Variants in FAM78B observed in about 807,000 individuals in gnomAD.
The protein encoded by FAM78B is protein FAM78B.
FAM78B carries 10 observed loss-of-function variants against 20.0 expected under a neutral mutation model. The observed-to-expected ratio is 0.50, with a 90% CI of 0.31 to 0.85. The LOEUF (loss-of-function observed/expected upper bound fraction) is 0.85. Ranked by LOEUF, FAM78B falls within the 40% of genes least tolerant of loss-of-function variation. The probability of loss-of-function intolerance (pLI) is 0.05; values close to 1 mark genes in which losing one functional copy is unlikely to be tolerated. For synonymous variants in FAM78B, 135 were observed against 132.8 expected (o/e 1.02, Z -0.12); for missense variants, 283 against 345.0 (o/e 0.82, Z 1.42).
intron 1 of FAM78B, among the ~76,000 whole-genome samples, chr1:166,106,107 C>T (rs955607972): frequency 5.3e-5 from 8 of 150,056 alleles, no homozygotes; most frequent in Non-Finnish European, 7.4e-5. Flanking sequence ...ATCACAAGGA[C>T]GAAAAACCAA....
intron 1 of FAM78B, among the ~76,000 whole-genome samples, chr1:166,102,203 A>G (rs1020726769): frequency 2.6e-5 from 4 of 152,218 alleles, no homozygotes; most frequent in Non-Finnish European, 5.9e-5. Flanking sequence ...AGAGCTCCTG[A>G]AGGAAGCACT....
At chr1:166,099,117 C>T (rs922453881) in intron 1 of FAM78B, among the ~76,000 whole-genome samples, 1 of 152,164 alleles carries the variant, frequency 6.6e-6, no homozygotes, top group African/African-American at 2.4e-5. Flanking sequence ...AAACAATTAT[C>T]AGCCAAGAAT....
In FAM78B at chr1:166,069,999, T is replaced by C. The variant is rs1428753901; in HGVS notation, c.*242A>G. The stretch of plus-strand genomic sequence containing the variant: ...CAGCTCCAAAATATGGCTACTTGCA[T>C]GGTAATCACAGCAAGTCTGTCAAAT... On this transcript the variant is annotated 3_prime_UTR_variant, in exon 2 of 2. Coordinates refer to ENST00000354422, the MANE Select transcript of FAM78B (RefSeq NM_001017961.5). 8.2e-7 allele frequency: 1 copy of C among 1,216,846 alleles called. No individual in the cohort carries two copies. The highest frequency in any genetic ancestry group is 3.3e-5 in the East Asian group (1 of 29,912). The allele number at this position is 1,216,846 out of a possible 1,614,324, so 75.4% of individuals were successfully genotyped here.
intron 1 of FAM78B, among the ~76,000 whole-genome samples, chr1:166,073,508 C>T (rs985624205): frequency 6.6e-6 from 1 of 150,690 alleles, no homozygotes; most frequent in African/African-American, 2.5e-5. Flanking sequence ...CTCTCTCTAT[C>T]TCTCGCTCCC....
chr1:166,142,912 A>G (rs1020892668), intron 1 of FAM78B, among the ~76,000 whole-genome samples: 1 of 152,202 alleles, frequency 6.6e-6, no homozygotes, highest in African/African-American at 2.4e-5. Context: ...ATGGTTTCTT[A>G]GTTCAGGGAG....
intron 1 of FAM78B, among the ~76,000 whole-genome samples, chr1:166,099,385 A>G (rs1490471911): frequency 6.6e-6 from 1 of 152,228 alleles, no homozygotes; most frequent in African/African-American, 2.4e-5. Context: ...CACAGGCAAC[A>G]AAGAGCATGA....
chr1:166,080,580 A>C (rs1034561821), intron 1 of FAM78B, among the ~76,000 whole-genome samples: 1 of 152,192 alleles, frequency 6.6e-6, no homozygotes, highest in Non-Finnish European at 1.5e-5. Context: ...TACTGCACTT[A>C]GAGGGTGGGA....
chr1:166,104,897 G>A (rs12096037), intron 1 of FAM78B, among the ~76,000 whole-genome samples: 29,667 of 152,090 alleles, frequency 0.2, 3,290 homozygotes, highest in East Asian at 0.38. Flanking sequence ...GCATTGCCAA[G>A]TCAATCCTAA....
chr1:166,080,659 G>A (rs1652530091), intron 1 of FAM78B, among the ~76,000 whole-genome samples: 5 of 152,208 alleles, frequency 3.3e-5, no homozygotes, highest in Admixed American at 3.3e-4. Flanking sequence ...TGGGTATGTG[G>A]CAAGTTTAGT....
intron 1 of FAM78B, among the ~76,000 whole-genome samples, chr1:166,153,505 G>C (rs528976250): frequency 1.1e-3 from 168 of 152,334 alleles, no homozygotes; most frequent in Non-Finnish European, 1.9e-3. Context: ...GGAGCCCTGT[G>C]AGTTATAGGA....
chr1:166,120,860 A>G (rs1654441647), intron 1 of FAM78B, among the ~76,000 whole-genome samples: 1 of 152,242 alleles, frequency 6.6e-6, no homozygotes, highest in South Asian at 2.1e-4. Context: ...CATATCCGCC[A>G]ACACCATTTG....
Position 166,070,092 on chromosome 1 carries a change from C to T in FAM78B, c.*149G>A. On this transcript the variant is annotated 3_prime_UTR_variant, in exon 2 of 2. Coordinates refer to ENST00000354422, the MANE Select transcript of FAM78B (RefSeq NM_001017961.5). The stretch of plus-strand genomic sequence containing the variant: ...GATTATGGTTCTACCACCCAAGGAG[C>T]AGCCCTACTCTTCAAAAGTGGCTGC... 1.5e-6 allele frequency: 2 copies of T among 1,344,874 alleles called. No homozygotes were observed. The highest frequency in any genetic ancestry group is 3.1e-5 in the Admixed American group (1 of 32,546). 83.3% of individuals were successfully genotyped at this position (1,344,874 alleles called of 1,614,324 possible). A position where few individuals can be genotyped will look rare whatever the true frequency, so the allele number is the denominator to read the frequency against.
chr1:166,078,959 T>G (rs1652453651), intron 1 of FAM78B, among the ~76,000 whole-genome samples: 2 of 143,112 alleles, frequency 1.4e-5, no homozygotes, highest in Middle Eastern at 3.7e-3. Context: ...AGAGATGGGG[T>G]CTCACTCTGT....
Position 166,070,586 on chromosome 1 carries a change from T to G in FAM78B, c.441A>C (p.Thr147=). The change falls in exon 2 of 2, where the codon ACA becomes ACC. Residue 147 remains threonine, a synonymous_variant. Transcript: ENST00000354422. ...TGCTGTCACTCACAGGCACTGCCCA[T>G]GTCACACTGGGGTAGAAGTTGTCAT... The part of the protein sequence containing the change: ...SMNDNFYPSV[T]WAVPVSDSNV... 1 of 1,613,840 alleles carries G rather than the reference T, an allele frequency of 6.2e-7. No individual in the cohort carries two copies. The highest frequency in any genetic ancestry group is 8.5e-7 in the Non-Finnish European group (1 of 1,180,000).
At chr1:166,137,246 C>T (rs999662211) in intron 1 of FAM78B, among the ~76,000 whole-genome samples, 6 of 152,182 alleles carry the variant, frequency 3.9e-5, no homozygotes, top group African/African-American at 1.4e-4. Flanking sequence ...CCCAGGAGCC[C>T]TGTACTGAGG....
At chr1:166,091,584 G>GTATC (rs1276342046) in intron 1 of FAM78B, among the ~76,000 whole-genome samples, 1 of 152,162 alleles carries the variant, frequency 6.6e-6, no homozygotes, top group Admixed American at 6.5e-5. Flanking sequence ...AGTCTCAGGT[G>GTATC]TATCTATCTT....
chr1:166,153,963 C>T (rs1655791857), intron 1 of FAM78B, among the ~76,000 whole-genome samples: 1 of 152,090 alleles, frequency 6.6e-6, no homozygotes, highest in African/African-American at 2.4e-5. Context: ...TGATCATGCC[C>T]CTATGCTGAA....
intron 1 of FAM78B, among the ~76,000 whole-genome samples, chr1:166,146,367 A>T (rs964263182): frequency 3.3e-5 from 5 of 152,246 alleles, no homozygotes; most frequent in Non-Finnish European, 7.3e-5. Flanking sequence ...ATTGATTTTC[A>T]TAGTCCTCTC....
intron 1 of FAM78B, among the ~76,000 whole-genome samples, chr1:166,079,190 G>A (rs954303524): frequency 7.9e-5 from 12 of 152,044 alleles, no homozygotes; most frequent in Non-Finnish European, 1.0e-4. Context: ...GCCTCCGCCC[G>A]CCAAGTTGCT....
Sources: gnomAD v4.1 joint callset for allele counts (sites outside exome capture counted in the v4.1 genomes callset) on GRCh38, gnomAD v4.1.1 for gene constraint, MANE v1.5 for transcripts, NCBI Gene and HGNC (gene_info 2026-07-23, HGNC 2026-07-21) for gene names.